Variants in ROBO2 observed in about 807,000 individuals in gnomAD.
ROBO2 encodes roundabout homolog 2.
Under a neutral mutation model 160.8 loss-of-function variants are expected in ROBO2, and 53 were observed. That is an observed-to-expected ratio of 0.33 (90% CI 0.26 to 0.41). ROBO2 has a LOEUF of 0.41. ROBO2 is among the 10% of genes least tolerant of loss of function. ROBO2 has a pLI of 1.00. For synonymous variants in ROBO2, 664 were observed against 611.7 expected, an observed-to-expected ratio of 1.09 and a Z score of -1.26; for missense variants, 1,577 against 1,722.4, an observed-to-expected ratio of 0.92 and a Z score of 1.49.
intron 2 of ROBO2, among the ~76,000 whole-genome samples, chr3:76,895,760 G>A (rs111585783): frequency 9.0e-4 from 137 of 152,274 alleles, no homozygotes; most frequent in Middle Eastern, 6.8e-3. Flanking sequence ...CTTGTAGGAA[G>A]ATAGTTTTCA....
At chr3:77,416,550 C>G (rs534296718) in intron 2 of ROBO2, among the ~76,000 whole-genome samples, 2 of 151,880 alleles carry the variant, frequency 1.3e-5, no homozygotes, top group South Asian at 4.2e-4. Flanking sequence ...AACACCATCA[C>G]TACTAAAAAT....
intron 2 of ROBO2, among the ~76,000 whole-genome samples, chr3:76,197,032 G>A (rs1185343255): frequency 2.0e-5 from 3 of 152,220 alleles, no homozygotes; most frequent in African/African-American, 7.2e-5. Flanking sequence ...CTCAGCCTCA[G>A]TTAAGTCGCT....
At chr3:76,494,887 G>A (rs2080056234) in intron 2 of ROBO2, among the ~76,000 whole-genome samples, 1 of 152,142 alleles carries the variant, frequency 6.6e-6, no homozygotes, top group African/African-American at 2.4e-5. Context: ...TCCAAGGGCT[G>A]GAGGAAGTAG....
At position 77,295,839 on chromosome 3, in the gene ROBO2, G is replaced by A. The variant is rs56268580; in HGVS notation, c.389-181575G>A. ...TAAAGACATAAAGTAAAATTGACGG[G>A]TAAACGGGTAAGCTGAGGCTAGATC... is the stretch of plus-strand genomic sequence containing the variant. On this transcript the variant is annotated intron_variant, in intron 2 of 25. Transcript: ENST00000461745. Among the ~76,000 whole-genome samples, 5 of 126,394 alleles carry A rather than the reference G, an allele frequency of 4.0e-5. No homozygotes were observed. In the Admixed American group the frequency reaches 4.0e-4, roughly 10 times the overall value. The allele number at this position is 126,394 out of a possible 152,430, so 82.9% of individuals were successfully genotyped here.
intron 2 of ROBO2, among the ~76,000 whole-genome samples, chr3:76,377,299 C>A (rs183881618): frequency 6.6e-6 from 1 of 152,208 alleles, no homozygotes; most frequent in East Asian, 1.9e-4. Flanking sequence ...CTGCATTGCA[C>A]TGTTAATAGG....
chr3:76,670,234 T>C (rs2092212658), intron 2 of ROBO2, among the ~76,000 whole-genome samples: 1 of 152,124 alleles, frequency 6.6e-6, no homozygotes, highest in Non-Finnish European at 1.5e-5. Context: ...TTAAGAGTTC[T>C]GTGTATTTTA....
chr3:77,507,784 T>C (rs902034929), intron 5 of ROBO2, among the ~76,000 whole-genome samples: 6 of 152,144 alleles, frequency 3.9e-5, no homozygotes. Flanking sequence ...ATGTTCTTCT[T>C]AGTTGTTCTT....
At chr3:76,541,510 A>G (rs78357829) in intron 2 of ROBO2, among the ~76,000 whole-genome samples, 2,169 of 152,254 alleles carry the variant, frequency 0.014, 35 homozygotes, top group African/African-American at 0.046. Context: ...GCCATGTGCT[A>G]GTCTATACCA....
intron 1 of ROBO2, among the ~76,000 whole-genome samples, chr3:75,925,093 T>A (rs1947233783): frequency 6.6e-6 from 1 of 151,856 alleles, no homozygotes; most frequent in Non-Finnish European, 1.5e-5. Context: ...GTATGAAGGT[T>A]AAAAAACGGG....
rs2075850464 is a variant in ROBO2, at chr3:77,131,510, C to A, written c.388+33170C>A. Among the ~76,000 whole-genome samples the A allele has an allele frequency of 4.6e-5, 7 of 151,968 alleles. No individual in the cohort carries two copies. In the South Asian group the frequency reaches 1.5e-3, roughly 32 times the overall value. On this transcript the variant is annotated intron_variant, in intron 2 of 25. Transcript: ENST00000461745. ...AGAATGCTAAGCAAAAACAAACCAACCAACCAACAAACAAAAATCAATAGT... is the reference window on the plus strand; with the variant it reads ...AGAATGCTAAGCAAAAACAAACCAAACAACCAACAAACAAAAATCAATAGT...
chr3:77,106,978 A>G (rs1422326423), intron 2 of ROBO2, among the ~76,000 whole-genome samples: 1 of 152,192 alleles, frequency 6.6e-6, no homozygotes, highest in East Asian at 1.9e-4. Context: ...ACAACTCTGG[A>G]TGTCTTAGTC....
At chr3:76,408,183 C>A (rs2075308607) in intron 2 of ROBO2, among the ~76,000 whole-genome samples, 1 of 152,078 alleles carries the variant, frequency 6.6e-6, no homozygotes, top group African/African-American at 2.4e-5. Flanking sequence ...ATAGATTCAA[C>A]ATTTTGCTTA....
intron 2 of ROBO2, among the ~76,000 whole-genome samples, chr3:75,937,841 T>TTATATATATATATATA (rs1158457510): frequency 0.012 from 1,311 of 105,256 alleles, 25 homozygotes; most frequent in African/African-American, 0.017. Context: ...GGAATTGATT[T>TTATATATATATATATA]TATATATATA....
chr3:77,597,344 T>G (rs376342793), intron 19 of ROBO2, among the ~76,000 whole-genome samples: 3 of 151,422 alleles, frequency 2.0e-5, no homozygotes, highest in African/African-American at 7.3e-5. Flanking sequence ...AAAAAAGTGC[T>G]AAGTAGCCAC....
At chr3:77,323,297 C>T (rs2065011530) in intron 2 of ROBO2, among the ~76,000 whole-genome samples, 1 of 151,542 alleles carries the variant, frequency 6.6e-6, no homozygotes, top group Non-Finnish European at 1.5e-5. Flanking sequence ...GCACATTAAC[C>T]CTCCTTTGGC....
chr3:77,294,644 G>A (rs1286256404), intron 2 of ROBO2, among the ~76,000 whole-genome samples: 3 of 149,306 alleles, frequency 2.0e-5, no homozygotes, highest in Non-Finnish European at 2.9e-5. Context: ...GTAAGCTGAG[G>A]CTAGATCACC....
chr3:76,499,578 A>G (rs2080349381), intron 2 of ROBO2, among the ~76,000 whole-genome samples: 1 of 152,160 alleles, frequency 6.6e-6, no homozygotes, highest in Non-Finnish European at 1.5e-5. Flanking sequence ...TGATCACCCA[A>G]TCAGTCTCTT....
intron 2 of ROBO2, among the ~76,000 whole-genome samples, chr3:76,196,123 C>T (rs962558155): frequency 1.3e-5 from 2 of 152,128 alleles, no homozygotes; most frequent in Non-Finnish European, 2.9e-5. Context: ...GGTTACTTCC[C>T]TTTCTTCCTA....
At chr3:77,600,359 T>TCAATACAGAA (rs1202652092) in intron 19 of ROBO2, among the ~76,000 whole-genome samples, 1 of 152,198 alleles carries the variant, frequency 6.6e-6, no homozygotes, top group Non-Finnish European at 1.5e-5. Context: ...AGCCTAAAAA[T>TCAATACAGAA]CAATACAGAA....
Sources: gnomAD v4.1 joint callset for allele counts (sites outside exome capture counted in the v4.1 genomes callset) on GRCh38, gnomAD v4.1.1 for gene constraint, MANE v1.5 for transcripts, NCBI Gene and HGNC (gene_info 2026-07-23, HGNC 2026-07-21) for gene names.